TLL1: variants seen among roughly 807,000 people sequenced by gnomAD.
The protein encoded by TLL1 is tolloid like 1.
A neutral mutation model predicts 128.2 loss-of-function variants in TLL1; 49 were observed. That is an observed-to-expected ratio of 0.38 (90% CI 0.30 to 0.48). The LOEUF is 0.48. Ranked by LOEUF, TLL1 falls within the 20% of genes least tolerant of loss-of-function variation. The probability of loss-of-function intolerance (pLI) is 0.96; values close to 1 mark genes in which losing one functional copy is unlikely to be tolerated. For missense variants in TLL1, 1,123 were observed against 1,242.0 expected (o/e 0.90, Z 1.44); for synonymous variants, 454 against 418.8 (o/e 1.08, Z -1.03).
chr4:166,087,953 T>C (rs911446859), intron 18 of TLL1, among the ~76,000 whole-genome samples: 3 of 152,172 alleles, frequency 2.0e-5, no homozygotes, highest in African/African-American at 7.2e-5. Context: ...ATTCACTTTA[T>C]TTTTGGCCTT....
chr4:165,906,403 A>T (rs1162402815), intron 1 of TLL1, among the ~76,000 whole-genome samples: 4 of 152,236 alleles, frequency 2.6e-5, no homozygotes, highest in Admixed American at 1.3e-4. Context: ...AAACTGAGAC[A>T]TAAAGAGGTT....
At chr4:165,955,994 C>T (rs923763832) in intron 1 of TLL1, among the ~76,000 whole-genome samples, 28 of 152,068 alleles carry the variant, frequency 1.8e-4, no homozygotes, top group African/African-American at 6.3e-4. Context: ...AGCCTCAAAC[C>T]AGCAAGCTTT....
chr4:165,895,626 C>T (rs1731633843), intron 1 of TLL1, among the ~76,000 whole-genome samples: 1 of 63,002 alleles, frequency 1.6e-5, no homozygotes, highest in African/African-American at 1.1e-4. Context: ...CTCAGTAAGA[C>T]TTTTTGTAAA....
chr4:166,094,006 A>G (rs947424562), intron 19 of TLL1, among the ~76,000 whole-genome samples: 9 of 152,144 alleles, frequency 5.9e-5, no homozygotes, highest in Admixed American at 1.3e-4. Context: ...TGTTCAAGGT[A>G]CAGGTCAAAA....
At chr4:166,061,910 G>C (rs55639375) in intron 15 of TLL1, among the ~76,000 whole-genome samples, 47,486 of 151,988 alleles carry the variant, frequency 0.31, 7,564 homozygotes, top group East Asian at 0.42. Context: ...TGTAAGGAAA[G>C]GACCCAGTTT....
At chr4:166,035,212 A>C (rs894782942) in intron 9 of TLL1, among the ~76,000 whole-genome samples, 1 of 152,212 alleles carries the variant, frequency 6.6e-6, no homozygotes, top group African/African-American at 2.4e-5. Context: ...AGGTTTAAGC[A>C]GAAAAGTTAT....
chr4:165,900,696 A>T (rs1731944699), intron 1 of TLL1, among the ~76,000 whole-genome samples: 1 of 152,128 alleles, frequency 6.6e-6, no homozygotes, highest in African/African-American at 2.4e-5. Flanking sequence ...ACCTTGGTAA[A>T]TCTGACAATT....
At chr4:165,955,879 T>G (rs1459158950) in intron 1 of TLL1, among the ~76,000 whole-genome samples, 2 of 152,100 alleles carry the variant, frequency 1.3e-5, no homozygotes, top group Non-Finnish European at 2.9e-5. Context: ...TTTCCATAAG[T>G]GTTGGCCAGC....
chr4:166,002,094 T>C (rs939497643), intron 5 of TLL1, among the ~76,000 whole-genome samples: 2 of 152,162 alleles, frequency 1.3e-5, no homozygotes, highest in African/African-American at 2.4e-5. Flanking sequence ...AAACATTTAT[T>C]TCTCACAGTT....
intron 1 of TLL1, among the ~76,000 whole-genome samples, chr4:165,914,937 A>G (rs1341847052): frequency 2.6e-5 from 4 of 152,172 alleles, no homozygotes; most frequent in African/African-American, 9.7e-5. Context: ...ATGTGCAGAA[A>G]CCCAAGAGAT....
At position 166,016,779 on chromosome 4, in the gene TLL1, T is replaced by C. The variant is rs565465403; in HGVS notation, c.1042+2219T>C. 2.6e-4 allele frequency among the ~76,000 whole-genome samples: 39 copies of C among 152,048 alleles called. 3 individuals are homozygous for C. In the East Asian group the frequency reaches 7.2e-3, roughly 28 times the overall value. On this transcript the variant is annotated intron_variant, in intron 8 of 20. Coordinates refer to ENST00000061240, the MANE Select transcript of TLL1 (RefSeq NM_012464.5). ...TAAAGTACCGGGAGTAAGGGACAGC[T>C]AAAAGAGATATATAAATATACATAC...
intron 1 of TLL1, among the ~76,000 whole-genome samples, chr4:165,913,435 C>T (rs1028324752): frequency 3.3e-5 from 5 of 152,120 alleles, no homozygotes; most frequent in Non-Finnish European, 7.4e-5. Context: ...TTAGAAAGAA[C>T]TCTTAAACCA....
intron 1 of TLL1, among the ~76,000 whole-genome samples, chr4:165,967,980 T>G (rs1735468583): frequency 6.6e-6 from 1 of 152,214 alleles, no homozygotes; most frequent in African/African-American, 2.4e-5. Flanking sequence ...AGGTTTGAAT[T>G]CCACTTTCTA....
intron 16 of TLL1, among the ~76,000 whole-genome samples, 189 bp downstream of exon 16, chr4:166,066,052 A>G (rs549268255): frequency 6.6e-6 from 1 of 152,044 alleles, no homozygotes; most frequent in African/African-American, 2.4e-5. Flanking sequence ...GGTGGATGGG[A>G]ATAATGATAC....
intron 1 of TLL1, among the ~76,000 whole-genome samples, chr4:165,980,200 C>G (rs575010929): frequency 1.3e-5 from 2 of 148,554 alleles, no homozygotes; most frequent in African/African-American, 5.3e-5. Flanking sequence ...CTCTGAGTGT[C>G]CAGTCCCCTT....
intron 1 of TLL1, among the ~76,000 whole-genome samples, chr4:165,890,734 T>C (rs1409095651): frequency 6.6e-6 from 1 of 152,186 alleles, no homozygotes; most frequent in Non-Finnish European, 1.5e-5. Context: ...TGGCATTGAG[T>C]GTCTGCACCT....
At chr4:166,000,598 G>A (rs1444104363) in intron 5 of TLL1, among the ~76,000 whole-genome samples, 2 of 152,110 alleles carry the variant, frequency 1.3e-5, no homozygotes, top group Admixed American at 6.5e-5. Flanking sequence ...AATAAAGCCA[G>A]TAAGAATGAC....
chr4:166,044,933 G>T (rs1739395445), intron 12 of TLL1, among the ~76,000 whole-genome samples: 3 of 152,134 alleles, frequency 2.0e-5, no homozygotes, highest in African/African-American at 7.2e-5. Flanking sequence ...TAGTTGATTT[G>T]TAGTTTATTT....
At position 165,873,790 on chromosome 4, in the gene TLL1, G is replaced by C. The variant is rs1001275385; in HGVS notation, c.-115G>C. ...GACACCTGAGCACCCCGGTCCCGCC[G>C]AGGAGCCTCCGGGTGGGGAGAAGAG... On this transcript the variant is annotated 5_prime_UTR_variant, in exon 1 of 21. Transcript: ENST00000061240. The C allele has an allele frequency of 2.3e-5, 28 of 1,232,340 alleles. No homozygotes were observed. Among genetic ancestry groups the C allele is most frequent in the Middle Eastern group, 2.8e-4 (1 of 3,606 alleles). 76.3% of individuals were successfully genotyped at this position (1,232,340 alleles called of 1,614,324 possible). A position where few individuals can be genotyped will look rare whatever the true frequency, so the allele number is the denominator to read the frequency against.
Sources: gnomAD v4.1 joint callset for allele counts (sites outside exome capture counted in the v4.1 genomes callset) on GRCh38, gnomAD v4.1.1 for gene constraint, MANE v1.5 for transcripts, NCBI Gene and HGNC (gene_info 2026-07-23, HGNC 2026-07-21) for gene names.